Variants in MGAT5 observed in about 807,000 individuals in gnomAD.
The protein encoded by MGAT5 is alpha-1,6-mannosylglycoprotein 6-beta-N-acetylglucosaminyltransferase A.
Under a neutral mutation model 94.3 loss-of-function variants are expected in MGAT5, and 30 were observed. The ratio of observed to expected loss-of-function variants is 0.32; its 90% confidence interval spans 0.24 to 0.43. The LOEUF (loss-of-function observed/expected upper bound fraction) is 0.43. Ranked by LOEUF, MGAT5 falls within the 20% of genes least tolerant of loss-of-function variation. The pLI, the probability that MGAT5 is intolerant of heterozygous loss-of-function variation, is 1.00. For missense variants in MGAT5, 691 were observed against 905.5 expected (o/e 0.76, Z 3.04); for synonymous variants, 310 against 322.9 (o/e 0.96, Z 0.43).
chr2:134,143,465 G>T (rs1398813836), intron 1 of MGAT5, among the ~76,000 whole-genome samples: 1 of 152,202 alleles, frequency 6.6e-6, no homozygotes, highest in African/African-American at 2.4e-5. Context: ...TTGTTTTCAT[G>T]ATCTTCCCAA....
intron 13 of MGAT5, among the ~76,000 whole-genome samples, chr2:134,426,491 C>T (rs1485753291): frequency 1.3e-5 from 2 of 152,176 alleles, no homozygotes; most frequent in East Asian, 1.9e-4. Context: ...CTTGGGTACT[C>T]GGCGTGCTTC....
chr2:134,227,077 C>G (rs1681103973), intron 1 of MGAT5, among the ~76,000 whole-genome samples: 1 of 151,700 alleles, frequency 6.6e-6, no homozygotes, highest in Middle Eastern at 3.2e-3. Context: ...TCTAGTTTAG[C>G]ATCAAATACC....
chr2:134,192,582 A>C lies in MGAT5; in HGVS notation c.-142-61680A>C, dbSNP rs370221584. Among the ~76,000 whole-genome samples, 137 of 152,368 alleles carry C rather than the reference A, an allele frequency of 9.0e-4. 2 individuals are homozygous for C. The highest frequency in any genetic ancestry group is 3.1e-3 in the African/African-American group (130 of 41,586). On this transcript the variant is annotated intron_variant, in intron 1 of 16. Coordinates refer to the MGAT5 transcript ENST00000409645. ...AAATCCTCGTATTATTGTATCAGATAATTCCTTTGCTCTAAGGAAATATAC... is the reference window on the plus strand; with the variant it reads ...AAATCCTCGTATTATTGTATCAGATCATTCCTTTGCTCTAAGGAAATATAC...
chr2:134,422,881 G>A lies in MGAT5; in HGVS notation c.1756G>A (p.Glu586Lys). The change falls in exon 13 of 16, where the codon GAA becomes AAA. Residue 586 changes from glutamate to lysine, a missense_variant. This residue lies in a region of MGAT5 where 260 missense variants were observed against 347.0 expected (regional missense o/e 0.75). Coordinates refer to ENST00000281923, the MANE Select transcript of MGAT5 (RefSeq NM_002410.5). The stretch of plus-strand genomic sequence containing the variant: ...GACTGTTGACCTCAACAATCAGGAG[G>A]AAGTAGAGGATGCAGTGAAAGCAAT... ...VWTVDLNNQE[E>K]VEDAVKAILN... 5 of 1,613,870 alleles carry A rather than the reference G, an allele frequency of 3.1e-6. No homozygotes were observed. Among genetic ancestry groups the A allele is most frequent in the African/African-American group, 1.3e-5 (1 of 75,048 alleles).
chr2:134,401,473 G>A (rs1683050399), intron 10 of MGAT5, among the ~76,000 whole-genome samples: 2 of 152,074 alleles, frequency 1.3e-5, no homozygotes, highest in African/African-American at 4.8e-5. Context: ...GACACACCCT[G>A]GGCAGGTCAG....
intron 2 of MGAT5, among the ~76,000 whole-genome samples, chr2:134,278,200 T>C (rs1287458948): frequency 1.3e-5 from 2 of 152,248 alleles, no homozygotes; most frequent in Non-Finnish European, 1.5e-5. Context: ...TTGCTTTTTA[T>C]CATTAAGAAG....
At chr2:134,179,237 G>A (rs929735493) in intron 1 of MGAT5, among the ~76,000 whole-genome samples, 9 of 152,190 alleles carry the variant, frequency 5.9e-5, no homozygotes, top group Non-Finnish European at 1.2e-4. Context: ...GTGCTGAGGG[G>A]TTGTCTAGTG....
chr2:134,332,134 A>G (rs1276674048), intron 4 of MGAT5, among the ~76,000 whole-genome samples: 2 of 152,086 alleles, frequency 1.3e-5, no homozygotes, highest in Non-Finnish European at 2.9e-5. Flanking sequence ...CACCAAGTCA[A>G]TCCTAAGCCA....
intron 1 of MGAT5, among the ~76,000 whole-genome samples, chr2:134,123,115 A>C (rs1685692727): frequency 6.6e-6 from 1 of 152,104 alleles, no homozygotes; most frequent in South Asian, 2.1e-4. Flanking sequence ...AATTCACATA[A>C]TCTCTCCTCC....
intron 2 of MGAT5, among the ~76,000 whole-genome samples, chr2:134,271,942 C>T (rs1279542896): frequency 1.3e-5 from 2 of 152,206 alleles, no homozygotes; most frequent in Middle Eastern, 3.2e-3. Flanking sequence ...GGTTTCATCA[C>T]TGTTCTGTGT....
intron 8 of MGAT5, among the ~76,000 whole-genome samples, chr2:134,345,520 C>T (rs971057254): frequency 2.6e-5 from 4 of 152,050 alleles, no homozygotes; most frequent in African/African-American, 9.7e-5. Context: ...TTAAGATAAG[C>T]CCATTAAGAT....
At chr2:134,431,827 A>G (rs1183919941) in intron 14 of MGAT5, among the ~76,000 whole-genome samples, 1 of 152,216 alleles carries the variant, frequency 6.6e-6, no homozygotes, top group Non-Finnish European at 1.5e-5. Context: ...GCCGGGCTTC[A>G]GTGTGCAGTT....
chr2:134,407,471 G>C (rs1478309540), intron 11 of MGAT5, among the ~76,000 whole-genome samples: 3 of 152,124 alleles, frequency 2.0e-5, no homozygotes, highest in African/African-American at 7.2e-5. Flanking sequence ...CTGACTTTCA[G>C]AGCAAAAGTG....
At chr2:134,360,512 G>A (rs544022969) in intron 9 of MGAT5, among the ~76,000 whole-genome samples, 115 of 152,038 alleles carry the variant, frequency 7.6e-4, no homozygotes, top group Non-Finnish European at 1.2e-3. Context: ...TCAAAGCATC[G>A]TGCTTTAATC....
At chr2:134,364,220 C>G (rs750455244) in intron 10 of MGAT5, among the ~76,000 whole-genome samples, 12 of 152,188 alleles carry the variant, frequency 7.9e-5, no homozygotes, top group Non-Finnish European at 1.6e-4. Flanking sequence ...AATTCCGAGG[C>G]CAGGTGCAGT....
intron 1 of MGAT5, among the ~76,000 whole-genome samples, chr2:134,246,739 G>A (rs1011911807): frequency 5.9e-5 from 9 of 152,156 alleles, no homozygotes; most frequent in South Asian, 2.1e-4. Context: ...TTGGTTTGGC[G>A]GAGGCCATGT....
Position 134,447,821 on chromosome 2 carries a change from G to A in MGAT5, c.2028-828G>A, listed in dbSNP as rs545892755. Among the ~76,000 whole-genome samples the A allele has an allele frequency of 2.6e-5, 4 of 152,340 alleles. No homozygotes were observed. In the South Asian group the frequency reaches 6.2e-4, roughly 24 times the overall value. Reference sequence around the variant, plus strand: ...GGAAGCAAAGCCACCAGGCTCCACCGCCTGAGACCACTCAGCTGTTGGGAG... The same window carrying A: ...GGAAGCAAAGCCACCAGGCTCCACCACCTGAGACCACTCAGCTGTTGGGAG... On this transcript the variant is annotated intron_variant, in intron 15 of 15. Coordinates refer to ENST00000281923, the MANE Select transcript of MGAT5 (RefSeq NM_002410.5).
At chr2:134,169,429 CACACACACACATAT>C (rs1332343961) in intron 1 of MGAT5, among the ~76,000 whole-genome samples, 79 of 151,482 alleles carry the variant, frequency 5.2e-4, no homozygotes, top group African/African-American at 1.7e-3. Context: ...CACACACACA[CACACACACACATAT>C]ATAAAAGATT....
At chr2:134,381,434 C>G (rs553894748) in intron 10 of MGAT5, among the ~76,000 whole-genome samples, 12 of 135,396 alleles carry the variant, frequency 8.9e-5, no homozygotes, top group African/African-American at 3.3e-4. Flanking sequence ...AGATAGATAG[C>G]CTGGGCAACA....
Sources: allele counts gnomAD v4.1 joint callset (sites outside exome capture counted in the v4.1 genomes callset), GRCh38; gene constraint gnomAD v4.1.1; regional missense constraint gnomAD v4.1.1; transcripts MANE v1.5; gene names NCBI Gene and HGNC (gene_info 2026-07-23, HGNC 2026-07-21).